MDN1: variants seen among roughly 807,000 people sequenced by gnomAD.
MDN1 encodes the protein midasin AAA ATPase 1.
MDN1 carries 266 observed loss-of-function variants against 669.2 expected under a neutral mutation model. The ratio of observed to expected loss-of-function variants is 0.40; its 90% CI spans 0.36 to 0.44. The LOEUF is 0.44. Ranked by LOEUF, MDN1 falls within the 20% of genes least tolerant of loss-of-function variation. The probability of loss-of-function intolerance (pLI) is 1.00; values close to 1 mark genes in which losing one functional copy is unlikely to be tolerated. For missense variants in MDN1, 5,940 were observed against 6,754.0 expected (o/e 0.88, Z 4.22); for synonymous variants, 2,385 against 2,457.1 (o/e 0.97, Z 0.87).
chr6:89,779,273 A>G (rs1055447482), intron 11 of MDN1, among the ~76,000 whole-genome samples: 1 of 152,232 alleles, frequency 6.6e-6, no homozygotes, highest in African/African-American at 2.4e-5. Context: ...GTATAGTTTA[A>G]AAGAGTTACT....
In MDN1 at chr6:89,794,693, C is replaced by G; in HGVS notation, c.438G>C (p.Arg146=). The G allele has an allele frequency of 1.2e-6, 2 of 1,614,186 alleles. 1 individual carries two copies. The highest frequency in any genetic ancestry group is 3.3e-4 in the Middle Eastern group (2 of 6,060). The change falls in exon 3 of 102, where the codon CGG becomes CGC. Residue 146 remains arginine, a synonymous_variant. Transcript: ENST00000369393. ...ACTTGAAGGCTGCTTCCATTAGGTC[C>G]CGGAGCTTCATCCTCCTACGTCCAT... The part of the protein sequence containing the change: ...VRYGRRRMKL[R]DLMEAAFKFL...
chr6:89,711,100 A>C (rs1019454450), intron 49 of MDN1, among the ~76,000 whole-genome samples: 2 of 152,234 alleles, frequency 1.3e-5, no homozygotes, highest in African/African-American at 4.8e-5. Context: ...AAATATTATA[A>C]ACATCCATGG....
intron 100 of MDN1, among the ~76,000 whole-genome samples, chr6:89,646,310 A>T (rs1223884098): frequency 2.6e-5 from 4 of 152,234 alleles, no homozygotes. Flanking sequence ...AGTATATACT[A>T]GTTAGTGTCT....
rs760018459 is a variant in MDN1, at chr6:89,683,890, A to T, written c.11844T>A (p.Ile3948=). The T allele has an allele frequency of 1.9e-4, 308 of 1,612,246 alleles. No individual in the cohort carries two copies. The highest frequency in any genetic ancestry group is 2.6e-4 in the Non-Finnish European group (303 of 1,178,668). ...LEKELKEFVK[I]SKWNDVSFWS... is the part of the protein sequence containing the mutation. ...AGAAGCTGACATCATTCCACTTGGA[A>T]ATCTTAACAAATTCCTGTAAGATAA... Residue 3948 remains isoleucine, a synonymous_variant, in exon 72 of 102, where the codon ATT becomes ATA. Transcript: ENST00000369393.
At chr6:89,652,316 A>T in intron 94 of MDN1, 35 bp from the exon 95 acceptor site, 1 of 1,578,848 alleles carries the variant, frequency 6.3e-7, no homozygotes, top group Non-Finnish European at 8.7e-7. Context: ...GAGGTGGCCC[A>T]GGTTGGAATC....
chr6:89,645,203 T>C, intron 100 of MDN1, 46 bp from the exon 101 acceptor site: 1 of 1,557,794 alleles, frequency 6.4e-7, no homozygotes, highest in Non-Finnish European at 8.8e-7. Context: ...TGAACAGCCA[T>C]TTTTAATAAC....
intron 17 of MDN1, among the ~76,000 whole-genome samples, chr6:89,760,509 G>C (rs1315627610): frequency 6.6e-6 from 1 of 151,888 alleles, no homozygotes. Context: ...ACAATATGTC[G>C]AAGGGATGTC....
In MDN1 at chr6:89,749,632, C is replaced by T. The variant is rs926454189; in HGVS notation, c.3526G>A (p.Val1176Ile). Reference protein sequence around the residue: ...RLLDDNRELLVTETQEVVKAH... With the variant: ...RLLDDNRELLITETQEVVKAH... ...TTAACAACTTCCTGTGTTTCTGTTA[C>T]TAGCAATTCACGGTTATCATCCAAC... is the stretch of plus-strand genomic sequence containing the variant. The change falls in exon 25 of 102, where the codon GTA becomes ATA. Residue 1176 changes from valine to isoleucine, a missense_variant. Physicochemically the swap from Val to Ile is conservative, Grantham distance 29 (BLOSUM62 3). Around this residue, in one of 5 missense-constraint regions of MDN1, gnomAD observed 2,292 missense variants for 2,638.3 expected, o/e 0.87. Coordinates refer to ENST00000369393, the MANE Select transcript of MDN1 (RefSeq NM_014611.3). 6.2e-7 allele frequency: 1 copy of T among 1,614,066 alleles called. No individual in the cohort carries two copies. Among genetic ancestry groups the T allele is most frequent in the African/African-American group, 1.3e-5 (1 of 74,924 alleles).
Position 89,714,761 on chromosome 6 carries a change from T to C in MDN1, c.6861-10A>G, listed in dbSNP as rs374836873. The stretch of plus-strand genomic sequence containing the variant: ...CATCGAGAGGAAAAGTCTAGAAAAA[T>C]AGCAATTCAAAGAAAAAAATGATTT... On this transcript the variant is annotated splice_polypyrimidine_tract_variant and intron_variant, in intron 45 of 101. Coordinates refer to ENST00000369393, the MANE Select transcript of MDN1 (RefSeq NM_014611.3). 6.2e-6 allele frequency: 10 copies of C among 1,600,928 alleles called. No homozygotes were observed. The African/African-American group carries it at 8.1e-5, about 13-fold the overall frequency.
intron 2 of MDN1, among the ~76,000 whole-genome samples, chr6:89,802,345 A>G (rs1767721091): frequency 6.6e-6 from 1 of 152,216 alleles, no homozygotes. Flanking sequence ...GCCAAAGTGT[A>G]TTTATTGCAT....
intron 5 of MDN1, 73 bp downstream of exon 5, chr6:89,793,688 AC>A (rs1443643279): frequency 7.8e-7 from 1 of 1,274,530 alleles, no homozygotes; most frequent in East Asian, 2.5e-5. Context: ...GGTACATAGA[AC>A]CCAGCCAAAG....
intron 17 of MDN1, among the ~76,000 whole-genome samples, chr6:89,760,055 G>A (rs1173227006): frequency 6.6e-6 from 1 of 151,418 alleles, no homozygotes; most frequent in Non-Finnish European, 1.5e-5. Context: ...CTGGGTGACA[G>A]AGTCAGACTC....
intron 33 of MDN1, among the ~76,000 whole-genome samples, chr6:89,734,325 T>A (rs1258990905): frequency 6.6e-6 from 1 of 151,634 alleles, no homozygotes; most frequent in Non-Finnish European, 1.5e-5. Flanking sequence ...CAATGTTCCA[T>A]GTCACTAATA....
intron 1 of MDN1, chr6:89,814,757 G>C (rs1768696391): frequency 7.6e-6 from 3 of 396,098 alleles, no homozygotes; most frequent in Non-Finnish European, 1.5e-5. Context: ...GGACAGCAAG[G>C]AGCGGCAGCC....
At chr6:89,710,987 A>T (rs1813873013) in intron 49 of MDN1, among the ~76,000 whole-genome samples, 193 bp from the exon 50 acceptor site, 1 of 152,254 alleles carries the variant, frequency 6.6e-6, no homozygotes, top group Admixed American at 6.5e-5. Flanking sequence ...ACATTTTAGT[A>T]GCCCTCTCTG....
intron 70 of MDN1, among the ~76,000 whole-genome samples, chr6:89,685,528 T>G (rs1207640853): frequency 6.6e-6 from 1 of 152,108 alleles, no homozygotes; most frequent in Non-Finnish European, 1.5e-5. Flanking sequence ...AAGGAGCAGC[T>G]TAGCAGGACA....
chr6:89,717,117 T>C (rs1814428435), intron 43 of MDN1, among the ~76,000 whole-genome samples: 1 of 152,234 alleles, frequency 6.6e-6, no homozygotes, highest in South Asian at 2.1e-4. Flanking sequence ...CACCTATCAG[T>C]GCATTTATAC....
At chr6:89,743,779 C>G in intron 29 of MDN1, 65 bp from the exon 30 acceptor site, 1 of 1,545,552 alleles carries the variant, frequency 6.5e-7, no homozygotes, top group South Asian at 1.2e-5. Context: ...AAACACCCCC[C>G]CTCAGCAAAA....
At chr6:89,801,773 G>A (rs550134926) in intron 2 of MDN1, among the ~76,000 whole-genome samples, 56 of 149,866 alleles carry the variant, frequency 3.7e-4, no homozygotes, top group African/African-American at 1.2e-3. Flanking sequence ...CAGACTGGGC[G>A]ACAAAGTCAG....
Sources: allele counts gnomAD v4.1 joint callset (sites outside exome capture counted in the v4.1 genomes callset), GRCh38; gene constraint gnomAD v4.1.1; regional missense constraint gnomAD v4.1.1; transcripts MANE v1.5; gene names NCBI Gene and HGNC (gene_info 2026-07-23, HGNC 2026-07-21).